The following PDE1C variants were observed in gnomAD, a reference collection of about 807,000 sequenced individuals.
The protein encoded by PDE1C is dual specificity calcium/calmodulin-dependent 3',5'-cyclic nucleotide phosphodiesterase 1C.
A neutral mutation model predicts 93.1 loss-of-function variants in PDE1C; 62 were observed. The ratio of observed to expected loss-of-function variants is 0.67; its 90% confidence interval spans 0.54 to 0.82. The LOEUF is 0.82. Ranked by LOEUF, PDE1C falls within the 40% of genes least tolerant of loss-of-function variation. The pLI, the probability that PDE1C is intolerant of heterozygous loss-of-function variation, is 0.00. For synonymous variants in PDE1C, 325 were observed against 310.1 expected (o/e 1.05, Z -0.50); for missense variants, 742 against 884.6 (o/e 0.84, Z 2.04).
chr7:32,233,037 A>T (rs1807818713), intron 1 of PDE1C, among the ~76,000 whole-genome samples: 1 of 152,230 alleles, frequency 6.6e-6, no homozygotes, highest in African/African-American at 2.4e-5. Flanking sequence ...CAATCTTAAC[A>T]TGCATGGGAA....
the PDE1C span, among the ~76,000 whole-genome samples, chr7:31,705,840 C>A: frequency 1.3e-5 from 2 of 151,908 alleles, no homozygotes; most frequent in African/African-American, 4.8e-5. Flanking sequence ...GGCCTTCCAT[C>A]GCAGCTTCCT....
rs185158956 is a variant in PDE1C at position 31,847,913 on chromosome 7, C to G, written c.980+55G>C. On this transcript the variant is annotated intron_variant, in intron 9 of 17. Transcript: ENST00000396191. Reference sequence around the variant, plus strand: ...TTTTCTCAAAAACAGCATACTTCATCCAACTTCAAAGTTCCTTCCCTGGCC... The same window carrying G: ...TTTTCTCAAAAACAGCATACTTCATGCAACTTCAAAGTTCCTTCCCTGGCC... 1.3e-5 allele frequency: 21 copies of G among 1,594,786 alleles called. 4 individuals carry two copies. In the African/African-American group the frequency reaches 2.7e-4, roughly 20 times the overall value.
At chr7:31,873,640 A>G (rs928077585) in intron 5 of PDE1C, among the ~76,000 whole-genome samples, 2 of 152,256 alleles carry the variant, frequency 1.3e-5, no homozygotes, top group Non-Finnish European at 2.9e-5. Flanking sequence ...TTTATTGAGT[A>G]CCTACTGTAT....
At chr7:32,150,998 G>A (rs1333981812) in intron 3 of PDE1C, among the ~76,000 whole-genome samples, 2 of 152,102 alleles carry the variant, frequency 1.3e-5, no homozygotes, top group South Asian at 2.1e-4. Context: ...CTAGGTCTCT[G>A]GGGACTCAAA....
In PDE1C at chr7:31,755,127, T is replaced by G. The variant is rs183488757; in HGVS notation, c.1961-1574A>C. 3.0e-4 allele frequency among the ~76,000 whole-genome samples: 46 copies of G among 152,286 alleles called. 3 individuals are homozygous for G. In the East Asian group the frequency reaches 7.7e-3, roughly 26 times the overall value. On this transcript the variant is annotated intron_variant, in intron 17 of 17. Coordinates refer to ENST00000396191, the MANE Select transcript of PDE1C (RefSeq NM_001191057.4). ...TCCCATGGGGCTATTGGTTATCAAC[T>G]CTAAGACCACTCTACATGTATACCA... is the stretch of plus-strand genomic sequence containing the variant.
intron 1 of PDE1C, among the ~76,000 whole-genome samples, chr7:32,360,918 A>G (rs569745873): frequency 2.6e-5 from 4 of 152,320 alleles, no homozygotes; most frequent in Admixed American, 1.3e-4. Context: ...CTAAGTGAGC[A>G]CTTACTGTAT....
chr7:32,414,722 A>G (rs1389769918), intron 1 of PDE1C, among the ~76,000 whole-genome samples: 1 of 152,130 alleles, frequency 6.6e-6, no homozygotes, highest in African/African-American at 2.4e-5. Context: ...GTAATATGTG[A>G]CAGTGACAGC....
At chr7:32,071,290 G>C, upstream of PDE1C, 3 of 985,486 alleles carry the variant, frequency 3.0e-6, no homozygotes, top group Non-Finnish European at 3.6e-6. Context: ...GAAGCCGCGA[G>C]GCTTCGCGGA....
intron 1 of PDE1C, among the ~76,000 whole-genome samples, chr7:32,249,583 G>A (rs1476852149): frequency 1.3e-5 from 2 of 152,214 alleles, no homozygotes; most frequent in Admixed American, 6.5e-5. Flanking sequence ...AGTTGATCTT[G>A]AAGAGCCATC....
chr7:32,206,282 G>A (rs1442590640), intron 2 of PDE1C, among the ~76,000 whole-genome samples: 1 of 152,196 alleles, frequency 6.6e-6, no homozygotes, highest in Non-Finnish European at 1.5e-5. Context: ...GGAGCAGGGG[G>A]AAAGGAGCAG....
intron 2 of PDE1C, among the ~76,000 whole-genome samples, chr7:32,192,843 T>C (rs1338675746): frequency 6.6e-6 from 1 of 152,164 alleles, no homozygotes; most frequent in Non-Finnish European, 1.5e-5. Context: ...ATTTAGATGT[T>C]ATTTGATTTC....
intron 2 of PDE1C, among the ~76,000 whole-genome samples, chr7:32,030,006 T>C (rs1353804251): frequency 6.6e-6 from 1 of 151,954 alleles, no homozygotes; most frequent in Non-Finnish European, 1.5e-5. Flanking sequence ...GGTACATTTC[T>C]ATGAGCTGAC....
intron 3 of PDE1C, among the ~76,000 whole-genome samples, chr7:32,153,688 A>C (rs1801396089): frequency 1.3e-5 from 2 of 152,268 alleles, no homozygotes; most frequent in African/African-American, 2.4e-5. Context: ...AACAGGATAG[A>C]GCCCACGTAG....
chr7:31,690,214 G>A, the PDE1C span, among the ~76,000 whole-genome samples: 1 of 152,090 alleles, frequency 6.6e-6, no homozygotes, highest in Admixed American at 6.5e-5. Flanking sequence ...TTATACAACG[G>A]GTCTTCCTTA....
At chr7:31,724,391 C>G in the PDE1C span, among the ~76,000 whole-genome samples, 7 of 152,290 alleles carry the variant, frequency 4.6e-5, no homozygotes, top group Middle Eastern at 3.4e-3. Flanking sequence ...TATGGCTCTC[C>G]AAGCACTTCT....
chr7:32,280,224 T>C (rs1029735862), intron 1 of PDE1C, among the ~76,000 whole-genome samples: 1 of 152,216 alleles, frequency 6.6e-6, no homozygotes, highest in East Asian at 1.9e-4. Flanking sequence ...CATTTAGTGG[T>C]ACTTACCCAA....
At chr7:32,098,089 G>A (rs1462546739) in intron 3 of PDE1C, among the ~76,000 whole-genome samples, 1 of 149,150 alleles carries the variant, frequency 6.7e-6, no homozygotes, top group Admixed American at 6.7e-5. Flanking sequence ...AATTAGCCGG[G>A]CGTGGTGGCG....
chr7:31,717,057 A>C, the PDE1C span, among the ~76,000 whole-genome samples: 1 of 152,330 alleles, frequency 6.6e-6, no homozygotes, highest in Admixed American at 6.5e-5. Context: ...GAAACCTGAC[A>C]ATTTGCCAAG....
intron 1 of PDE1C, among the ~76,000 whole-genome samples, chr7:32,246,800 T>A (rs1441382393): frequency 1.3e-5 from 2 of 152,238 alleles, no homozygotes; most frequent in East Asian, 3.9e-4. Context: ...AAGACTGTTA[T>A]GAGAACAAAA....
Sources: gnomAD v4.1 joint callset for allele counts (sites outside exome capture counted in the v4.1 genomes callset) on GRCh38, gnomAD v4.1.1 for gene constraint, MANE v1.5 for transcripts, NCBI Gene and HGNC (gene_info 2026-07-23, HGNC 2026-07-21) for gene names.